The following NFIC variants were observed in gnomAD, a reference collection of about 807,000 sequenced individuals.
NFIC encodes nuclear factor I C.
Under a neutral mutation model 54.4 loss-of-function variants are expected in NFIC, and 12 were observed. The observed-to-expected ratio is 0.22, with a 90% CI of 0.14 to 0.36. The LOEUF (loss-of-function observed/expected upper bound fraction) is 0.36. Among genes scored for constraint, NFIC ranks in the 10% least tolerant of loss-of-function variants. The pLI is 1.00. For missense variants in NFIC, 575 were observed against 718.2 expected (o/e 0.80, Z 2.28); for synonymous variants, 322 against 319.2 (o/e 1.01, Z -0.09).
At chr19:3,433,447 G>A (rs995990041) in intron 3 of NFIC, 71 bp from the exon 4 acceptor site, 69 of 1,541,470 alleles carry the variant, frequency 4.5e-5, no homozygotes, top group Middle Eastern at 1.7e-4. Context: ...AGGAGTCCAG[G>A]CAGCCCTGGA....
chr19:3,390,250 G>A (rs894316073), intron 2 of NFIC, among the ~76,000 whole-genome samples: 1 of 152,252 alleles, frequency 6.6e-6, no homozygotes, highest in Non-Finnish European at 1.5e-5. Context: ...TGGGCAGCCA[G>A]GTGTGCCAGC....
chr19:3,431,363 T>C (rs868506163), intron 3 of NFIC, among the ~76,000 whole-genome samples: 16 of 102,700 alleles, frequency 1.6e-4, no homozygotes, highest in South Asian at 1.5e-3. Context: ...CCTTCTTCTT[T>C]TTTTTTTTTT....
chr19:3,450,558 G>C (rs889280871), intron 7 of NFIC, among the ~76,000 whole-genome samples: 22 of 151,446 alleles, frequency 1.5e-4, no homozygotes, highest in African/African-American at 5.3e-4. Context: ...AGGAGGCTGA[G>C]GCACAAGAAT....
intron 9 of NFIC, chr19:3,454,286 G>A (rs937066276): frequency 1.1e-5 from 12 of 1,084,920 alleles, no homozygotes; most frequent in Non-Finnish European, 1.2e-5. Context: ...CCCCAGACTG[G>A]TCTTTTGTTT....
intron 10 of NFIC, among the ~76,000 whole-genome samples, chr19:3,457,458 A>G (rs1286141679): frequency 6.6e-6 from 1 of 152,014 alleles, no homozygotes; most frequent in Non-Finnish European, 1.5e-5. Flanking sequence ...CCACCCCCAT[A>G]AGGGGCTCTG....
intron 2 of NFIC, among the ~76,000 whole-genome samples, chr19:3,423,033 A>G (rs1300014600): frequency 6.6e-6 from 1 of 151,550 alleles, no homozygotes; most frequent in Non-Finnish European, 1.5e-5. Context: ...TCCCGTCTCT[A>G]CTAAAAATAC....
Position 3,453,967 on chromosome 19 carries a change from C to A in NFIC, c.1423+51C>A, listed in dbSNP as rs970220304. 2.8e-6 allele frequency: 4 copies of A among 1,451,602 alleles called. No individual in the cohort carries two copies. Among genetic ancestry groups the A allele is most frequent in the Non-Finnish European group, 3.6e-6 (4 of 1,108,492 alleles). 89.9% of individuals were successfully genotyped at this position (1,451,602 alleles called of 1,614,324 possible). ...GGTGGGGCGGATGTCCGCAGGGGGG[C>A]CTGTCCCCTCCCCAGCCCCACTGCC... On this transcript the variant is annotated intron_variant, in intron 9 of 10. Coordinates refer to ENST00000443272, the MANE Select transcript of NFIC (RefSeq NM_001245002.2). The surrounding 1 kb of genome is among the most constrained non-coding windows in gnomAD (Gnocchi z 6.7).
At chr19:3,419,229 ATAT>A (rs1319590503) in intron 2 of NFIC, among the ~76,000 whole-genome samples, 3 of 152,186 alleles carry the variant, frequency 2.0e-5, no homozygotes, top group Admixed American at 6.6e-5. Context: ...CAAATGGTAA[ATAT>A]TATGCATATT....
upstream of NFIC, among the ~76,000 whole-genome samples, chr19:3,363,227 A>ATGTG (rs1236874934): frequency 8.9e-5 from 4 of 45,162 alleles, no homozygotes; most frequent in Admixed American, 2.3e-4. Flanking sequence ...ATGTATATGT[A>ATGTG]TGTGTATGTG....
At chr19:3,421,646 G>C (rs906020556) in intron 2 of NFIC, among the ~76,000 whole-genome samples, 3 of 152,230 alleles carry the variant, frequency 2.0e-5, no homozygotes, top group African/African-American at 7.2e-5. Context: ...GGCATCCTTG[G>C]TCTTGGCAAT....
At chr19:3,387,250 C>T (rs1183597964) in intron 2 of NFIC, among the ~76,000 whole-genome samples, 1 of 152,212 alleles carries the variant, frequency 6.6e-6, no homozygotes, top group Non-Finnish European at 1.5e-5. Context: ...ACCTGCAATC[C>T]CAGCACTTCG....
At position 3,452,646 on chromosome 19, in the gene NFIC, G is replaced by T. The variant is rs10412720; in HGVS notation, c.1249G>T (p.Ala417Ser). 9.3e-3 allele frequency: 14,914 copies of T among 1,608,950 alleles called. 966 individuals are homozygous for T. In the African/African-American group the frequency reaches 0.16, roughly 17 times the overall value. Reference sequence around the variant, plus strand: ...TCTTGTCTCGCTGGCCTGCGACCCAGCCAGCCAGCAACCTGGACCGGTGAG... The same window carrying T: ...TCTTGTCTCGCTGGCCTGCGACCCATCCAGCCAGCAACCTGGACCGGTGAG... ...KDLVSLACDP[A>S]SQQPGPLNGS... The change falls in exon 8 of 11, where the codon GCC (alanine) becomes TCC (serine). Residue 417 changes from alanine to serine, a missense_variant. Physicochemically the swap from Ala to Ser is moderately conservative, Grantham distance 99. This residue lies in a region of NFIC where 447 missense variants were observed against 526.9 expected (regional missense o/e 0.85). Transcript: ENST00000443272. The surrounding 1 kb of genome is among the most constrained non-coding windows in gnomAD (Gnocchi z 5.3).
intron 10 of NFIC, among the ~76,000 whole-genome samples, chr19:3,461,098 C>T (rs1189807936): frequency 6.6e-6 from 1 of 151,916 alleles, no homozygotes; most frequent in Non-Finnish European, 1.5e-5. Context: ...GCACTCCAGC[C>T]TGGTGACAAG....
intron 6 of NFIC, among the ~76,000 whole-genome samples, chr19:3,445,250 C>G (rs2082358325): frequency 6.6e-6 from 1 of 152,228 alleles, no homozygotes; most frequent in Non-Finnish European, 1.5e-5. Flanking sequence ...CACGTGCCGA[C>G]AAGACCAGCC....
intron 6 of NFIC, among the ~76,000 whole-genome samples, chr19:3,448,045 C>T (rs1305450513): frequency 2.6e-5 from 4 of 152,194 alleles, no homozygotes; most frequent in Admixed American, 6.5e-5. Flanking sequence ...GCTGGGATTA[C>T]AGGCGTGAGC....
At chr19:3,412,878 G>A (rs1198635517) in intron 2 of NFIC, among the ~76,000 whole-genome samples, 1 of 152,190 alleles carries the variant, frequency 6.6e-6, no homozygotes, top group African/African-American at 2.4e-5. Flanking sequence ...AGGGGCCGGG[G>A]TTCTGCTGGA....
intron 3 of NFIC, among the ~76,000 whole-genome samples, chr19:3,426,209 A>G (rs1390736896): frequency 6.6e-6 from 1 of 151,740 alleles, no homozygotes; most frequent in South Asian, 2.1e-4. Context: ...CTGGGATTAC[A>G]GGCATGAGCC....
chr19:3,404,571 G>A (rs1025798966), intron 2 of NFIC, among the ~76,000 whole-genome samples: 4 of 152,046 alleles, frequency 2.6e-5, no homozygotes, highest in Non-Finnish European at 5.9e-5. Flanking sequence ...AGGCTCCCTT[G>A]TCACCTTCTC....
chr19:3,462,254 C>T (rs1003510995), intron 10 of NFIC, among the ~76,000 whole-genome samples: 7 of 150,752 alleles, frequency 4.6e-5, no homozygotes, highest in African/African-American at 9.8e-5. Context: ...TGGCGGTGGA[C>T]GCCTGTAATC....
Sources: gnomAD v4.1 joint callset for allele counts (sites outside exome capture counted in the v4.1 genomes callset) on GRCh38, gnomAD v4.1.1 for gene constraint, gnomAD v4.1.1 regional missense constraint, Gnocchi (gnomAD v3.1) non-coding constraint, MANE v1.5 for transcripts, NCBI Gene and HGNC (gene_info 2026-07-23, HGNC 2026-07-21) for gene names.